The following NBEA variants were observed in gnomAD, a reference collection of about 807,000 sequenced individuals.
NBEA encodes the protein neurobeachin.
A neutral mutation model predicts 343.4 loss-of-function variants in NBEA; 44 were observed. The ratio of observed to expected loss-of-function variants is 0.13; its 90% CI spans 0.10 to 0.16. NBEA has a LOEUF of 0.16. Ranked by LOEUF, NBEA falls within the 10% of genes least tolerant of loss-of-function variation. The probability of loss-of-function intolerance (pLI) is 1.00; values close to 1 mark genes in which losing one functional copy is unlikely to be tolerated. For synonymous variants in NBEA, 1,175 were observed against 1,238.7 expected (o/e 0.95, Z 1.08); for missense variants, 2,555 against 3,631.3 (o/e 0.70, Z 7.62).
At chr13:35,556,539 ATTGT>A (rs1259193386) in intron 44 of NBEA, among the ~76,000 whole-genome samples, 1 of 151,552 alleles carries the variant, frequency 6.6e-6, no homozygotes, top group African/African-American at 2.4e-5. Flanking sequence ...TGCTTTTTAT[ATTGT>A]TTGTTCTCTG....
At chr13:35,026,306 A>G (rs2062018985) in intron 1 of NBEA, among the ~76,000 whole-genome samples, 1 of 152,130 alleles carries the variant, frequency 6.6e-6, no homozygotes, top group Non-Finnish European at 1.5e-5. Flanking sequence ...AGTCTCAGGT[A>G]TTTCTTCATA....
intron 38 of NBEA, among the ~76,000 whole-genome samples, chr13:35,416,372 T>C (rs1305922706): frequency 6.6e-6 from 1 of 152,118 alleles, no homozygotes; most frequent in African/African-American, 2.4e-5. Flanking sequence ...AGTGCTCTTA[T>C]TATTTTGAAA....
chr13:35,246,744 AG>A (rs2031260169), intron 34 of NBEA, among the ~76,000 whole-genome samples: 1 of 152,144 alleles, frequency 6.6e-6, no homozygotes, highest in Non-Finnish European at 1.5e-5. Flanking sequence ...TTAATGCACT[AG>A]TTTTGTACTG....
At chr13:35,140,813 A>G (rs575322973) in intron 17 of NBEA, among the ~76,000 whole-genome samples, 1 of 152,324 alleles carries the variant, frequency 6.6e-6, no homozygotes, top group East Asian at 1.9e-4. Context: ...ATGAAATTCT[A>G]GTCACTTACC....
At chr13:35,373,634 G>A (rs2041572280) in intron 38 of NBEA, among the ~76,000 whole-genome samples, 2 of 151,942 alleles carry the variant, frequency 1.3e-5, no homozygotes, top group South Asian at 2.1e-4. Context: ...GAGCCCAGGA[G>A]GAAGAGGTTG....
chr13:35,638,352 G>C (rs1247399478), intron 49 of NBEA, among the ~76,000 whole-genome samples: 2 of 152,280 alleles, frequency 1.3e-5, no homozygotes, highest in African/African-American at 4.8e-5. Context: ...TGGTAAAGTG[G>C]ATGAACAAGG....
At chr13:34,998,395 G>A (rs117110173) in intron 1 of NBEA, among the ~76,000 whole-genome samples, 6,954 of 152,220 alleles carry the variant, frequency 0.046, 236 homozygotes, top group Non-Finnish European at 0.067. Flanking sequence ...GGGTTTGAAA[G>A]CAGACAACTG....
chr13:35,669,222 A>T (rs2085493987), intron 58 of NBEA, among the ~76,000 whole-genome samples: 1 of 152,342 alleles, frequency 6.6e-6, no homozygotes, highest in South Asian at 2.1e-4. Flanking sequence ...AGTGAAAATA[A>T]TATTAGAAAT....
intron 39 of NBEA, among the ~76,000 whole-genome samples, chr13:35,434,090 T>G (rs986325366): frequency 6.6e-6 from 1 of 152,098 alleles, no homozygotes; most frequent in African/African-American, 2.4e-5. Context: ...AAGCAAGGCT[T>G]TTTTTAGAAA....
intron 38 of NBEA, among the ~76,000 whole-genome samples, chr13:35,404,137 A>G (rs371634096): frequency 6.6e-6 from 1 of 152,062 alleles, no homozygotes; most frequent in East Asian, 1.9e-4. Context: ...AAATAGGAAC[A>G]CTTTTACACT....
At chr13:35,347,340 G>A (rs970305854) in intron 36 of NBEA, among the ~76,000 whole-genome samples, 1 of 151,834 alleles carries the variant, frequency 6.6e-6, no homozygotes, top group Non-Finnish European at 1.5e-5. Flanking sequence ...TCATTAATGA[G>A]CAGTGAAAAA....
At chr13:35,266,305 C>T (rs1170586708) in intron 34 of NBEA, among the ~76,000 whole-genome samples, 1 of 151,800 alleles carries the variant, frequency 6.6e-6, no homozygotes, top group Non-Finnish European at 1.5e-5. Context: ...AAAAACAGAA[C>T]TACCATATGA....
intron 1 of NBEA, among the ~76,000 whole-genome samples, chr13:35,001,677 G>A (rs894997118): frequency 2.0e-5 from 3 of 152,088 alleles, no homozygotes; most frequent in South Asian, 2.1e-4. Context: ...GGAAAGGGAG[G>A]AAGGATAGGA....
At chr13:35,238,068 G>A (rs1303210596) in intron 34 of NBEA, among the ~76,000 whole-genome samples, 1 of 152,142 alleles carries the variant, frequency 6.6e-6, no homozygotes, top group African/African-American at 2.4e-5. Context: ...TGAATTTTAA[G>A]AAAATTATGG....
intron 34 of NBEA, among the ~76,000 whole-genome samples, chr13:35,275,644 AAAC>A (rs745381816): frequency 2.6e-5 from 4 of 152,212 alleles, no homozygotes; most frequent in Non-Finnish European, 5.9e-5. Context: ...CAAAGAACTT[AAAC>A]AAATTTACAA....
At chr13:34,946,196 C>G (rs189589150) in intron 1 of NBEA, among the ~76,000 whole-genome samples, 73 of 152,110 alleles carry the variant, frequency 4.8e-4, no homozygotes, top group African/African-American at 1.7e-3. Context: ...AGAAACTGAT[C>G]GTTAACAAAG....
intron 48 of NBEA, among the ~76,000 whole-genome samples, chr13:35,613,560 A>C (rs2153056027): frequency 6.6e-6 from 1 of 152,212 alleles, no homozygotes; most frequent in African/African-American, 2.4e-5. Context: ...CTTTGGGTAA[A>C]TACCTAGTGG....
chr13:35,007,307 T>G (rs2061350721), intron 1 of NBEA, among the ~76,000 whole-genome samples: 2 of 152,198 alleles, frequency 1.3e-5, no homozygotes. Flanking sequence ...CCTTATGTCC[T>G]TACTATGTCC....
At chr13:35,457,688 A>C (rs2046660646) in intron 40 of NBEA, among the ~76,000 whole-genome samples, 5 of 152,120 alleles carry the variant, frequency 3.3e-5, no homozygotes, top group Admixed American at 3.3e-4. Context: ...GGTTCACTGC[A>C]AGCTCTGCCT....
Sources: gnomAD v4.1 joint callset for allele counts (sites outside exome capture counted in the v4.1 genomes callset) on GRCh38, gnomAD v4.1.1 for gene constraint, MANE v1.5 for transcripts, NCBI Gene and HGNC (gene_info 2026-07-23, HGNC 2026-07-21) for gene names.